SFXN2: variants seen among roughly 807,000 people sequenced by gnomAD.
SFXN2 encodes the protein sideroflexin 2.
A neutral mutation model predicts 41.9 loss-of-function variants in SFXN2; 37 were observed. The ratio of observed to expected loss-of-function variants is 0.88; its 90% confidence interval spans 0.68 to 1.16. SFXN2 has a LOEUF of 1.16. SFXN2 is among the 50% of genes most tolerant of loss of function. The probability of loss-of-function intolerance (pLI) is 0.00; values close to 1 mark genes in which losing one functional copy is unlikely to be tolerated. For missense variants in SFXN2, 386 were observed against 425.2 expected (o/e 0.91, Z 0.81); for synonymous variants, 150 against 156.7 (o/e 0.96, Z 0.32).
chr10:102,732,837 GC>G (rs780135710), intron 8 of SFXN2, 21 bp from the exon 9 acceptor site: 1 of 1,613,952 alleles, frequency 6.2e-7, no homozygotes, highest in African/African-American at 1.3e-5. Context: ...CCTCCCCTCA[GC>G]TTCTCCCTGG....
chr10:102,731,654 G>A, intron 6 of SFXN2, 69 bp from the exon 7 acceptor site: 1 of 1,419,064 alleles, frequency 7.0e-7, no homozygotes, highest in Non-Finnish European at 9.9e-7. Context: ...TTGGTCCCCT[G>A]GCATGTCATG....
chr10:102,729,467 CA>C, intron 5 of SFXN2, 73 bp downstream of exon 5: 1 of 1,536,070 alleles, frequency 6.5e-7, no homozygotes, highest in Non-Finnish European at 8.9e-7. Context: ...GTCCTTCCCC[CA>C]GGGACAGTTC....
At chr10:102,736,045 T>A in intron 11 of SFXN2, 136 bp downstream of exon 11, 1 of 874,592 alleles carries the variant, frequency 1.1e-6, no homozygotes, top group Non-Finnish European at 1.9e-6. Flanking sequence ...TCCATCAGCC[T>A]AAAGGCTGGG....
intron 6 of SFXN2, among the ~76,000 whole-genome samples, chr10:102,731,421 T>C (rs1156922076): frequency 6.6e-6 from 1 of 152,162 alleles, no homozygotes; most frequent in Non-Finnish European, 1.5e-5. Context: ...ATCCCCATTT[T>C]GCAGATAAGC....
chr10:102,727,396 C>G (rs1346694235), intron 3 of SFXN2, among the ~76,000 whole-genome samples: 1 of 152,170 alleles, frequency 6.6e-6, no homozygotes, highest in Non-Finnish European at 1.5e-5. Context: ...AAGAACTTGT[C>G]CAGGTTTAAA....
chr10:102,720,852 A>T (rs2064498547), intron 1 of SFXN2, among the ~76,000 whole-genome samples: 1 of 152,186 alleles, frequency 6.6e-6, no homozygotes. Flanking sequence ...AGGAGCACAC[A>T]CACACCATCT....
intron 1 of SFXN2, among the ~76,000 whole-genome samples, chr10:102,720,003 A>T (rs1450282573): frequency 6.6e-6 from 1 of 152,012 alleles, no homozygotes; most frequent in African/African-American, 2.4e-5. Flanking sequence ...ATTTAAGAAA[A>T]TCCCGGCCGG....
Position 102,732,989 on chromosome 10 carries a change from TC to T in SFXN2, c.771+86del, listed in dbSNP as rs2064725768. 3 of 1,401,354 alleles carry T rather than the reference TC, an allele frequency of 2.1e-6. No homozygotes were observed. The Admixed American group carries it at 5.1e-5, about 24-fold the overall frequency. 86.8% of individuals were successfully genotyped at this position (1,401,354 alleles called of 1,614,324 possible). Reference sequence around the variant, plus strand: ...GTCCCTAGGGATACCTGACCTGCCCTCCCCCACCCATCCTTCCCTTTAGCTA... The same window carrying T: ...GTCCCTAGGGATACCTGACCTGCCCTCCCCACCCATCCTTCCCTTTAGCTA... On this transcript the variant is annotated intron_variant, in intron 9 of 11. Coordinates refer to ENST00000369893, the MANE Select transcript of SFXN2 (RefSeq NM_178858.6).
intron 4 of SFXN2, 21 bp from the exon 5 acceptor site, chr10:102,729,298 A>G: frequency 1.2e-6 from 2 of 1,612,988 alleles, no homozygotes; most frequent in Non-Finnish European, 1.7e-6. Flanking sequence ...CCCACTCCCA[A>G]GCATCTCTCT....
At chr10:102,737,625 C>T (rs756849030) in intron 11 of SFXN2, 38 bp from the exon 12 acceptor site, 1 of 1,379,756 alleles carries the variant, frequency 7.2e-7, no homozygotes. Context: ...ACTGCTTGTT[C>T]CTGGTGGCAT....
Position 102,735,891 on chromosome 10 carries a change from G to A in SFXN2, c.851G>A (p.Gly284Glu), listed in dbSNP as rs1169204666. 2 of 1,614,112 alleles carry A rather than the reference G, an allele frequency of 1.2e-6. No individual in the cohort carries two copies. The highest frequency in any genetic ancestry group is 1.3e-5 in the African/African-American group (1 of 75,016). ...FLIFMVPVAC[G>E]LFPQKCELPV... ...ATCTTCATGGTGCCAGTGGCGTGTG[G>A]GCTTTTCCCACAGAAATGGTATCTG... Residue 284 changes from glycine (G) to glutamate (E), a missense_variant, in exon 11 of 12, where the codon GGG (glycine) becomes GAG (glutamate). Coordinates refer to ENST00000369893, the MANE Select transcript of SFXN2 (RefSeq NM_178858.6).
intron 6 of SFXN2, among the ~76,000 whole-genome samples, chr10:102,730,523 C>T (rs547526331): frequency 2.0e-5 from 3 of 152,346 alleles, no homozygotes; most frequent in African/African-American, 7.2e-5. Context: ...GAAGCACTAC[C>T]AGAATAGTTG....
At chr10:102,729,431 G>A (rs374773168) in intron 5 of SFXN2, 37 bp downstream of exon 5, 29 of 1,607,436 alleles carry the variant, frequency 1.8e-5, no homozygotes, top group South Asian at 5.5e-5. Context: ...GTGGCCACGC[G>A]GGGGCAGCAG....
In SFXN2 at chr10:102,740,562, A is replaced by T. The variant is rs1842771470; in HGVS notation, c.*2800A>T. On this transcript the variant is annotated 3_prime_UTR_variant, in exon 12 of 12. Coordinates refer to ENST00000369893, the MANE Select transcript of SFXN2 (RefSeq NM_178858.6). ...TAGCCCCAAAAGAAACCCCATACCCATTGGCAGTCACTCCACATTCTCCCT... is the reference window on the plus strand; with the variant it reads ...TAGCCCCAAAAGAAACCCCATACCCTTTGGCAGTCACTCCACATTCTCCCT... The T allele has an allele frequency of 6.6e-6, 1 of 152,082 alleles. No individual in the cohort carries two copies. Among genetic ancestry groups the T allele is most frequent in the Admixed American group, 6.6e-5 (1 of 15,262 alleles). The allele number at this position is 152,082 out of a possible 1,614,324, so 9.4% of individuals were successfully genotyped here.
rs1045544789 is a variant in SFXN2, at chr10:102,734,678, C to T, written c.821+1075C>T. Among the ~76,000 whole-genome samples, 2 of 152,168 alleles carry T rather than the reference C, an allele frequency of 1.3e-5. No individual in the cohort carries two copies. Among genetic ancestry groups the T allele is most frequent in the Non-Finnish European group, 2.9e-5 (2 of 68,036 alleles). On this transcript the variant is annotated intron_variant, in intron 10 of 11. Coordinates refer to ENST00000369893, the MANE Select transcript of SFXN2 (RefSeq NM_178858.6). The surrounding 1 kb of genome is among the most constrained non-coding windows in gnomAD (Gnocchi z 4.1). ...TCACAGTAACCCTGCAAAGTAGGCA[C>T]TGCAAAGTGGTCTGCAGTAGCCCTA...
At chr10:102,721,825 C>G (rs2064513348) in intron 1 of SFXN2, among the ~76,000 whole-genome samples, 2 of 152,036 alleles carry the variant, frequency 1.3e-5, no homozygotes, top group South Asian at 4.1e-4. Context: ...GTTTTGGTAT[C>G]TACCTGTCTG....
At position 102,734,648 on chromosome 10, in the gene SFXN2, A is replaced by G. The variant is rs1394716362; in HGVS notation, c.821+1045A>G. ...GGTGCTTTACATACATATCTCATTGAATCCTCACAGTAACCCTGCAAAGTA... is the reference window on the plus strand; with the variant it reads ...GGTGCTTTACATACATATCTCATTGGATCCTCACAGTAACCCTGCAAAGTA... On this transcript the variant is annotated intron_variant, in intron 10 of 11. Transcript: ENST00000369893. This position sits in a 1 kb window ranked among gnomAD's most constrained non-coding sequence, Gnocchi z 4.1. 6.6e-6 allele frequency among the ~76,000 whole-genome samples: 1 copy of G among 152,184 alleles called. No individual in the cohort carries two copies. Among genetic ancestry groups the G allele is most frequent in the Non-Finnish European group, 1.5e-5 (1 of 68,020 alleles).
In SFXN2 at chr10:102,741,102, G is replaced by C. The variant is rs1842780000; in HGVS notation, c.*3340G>C. The C allele has an allele frequency of 6.6e-6, 1 of 152,252 alleles. No individual in the cohort carries two copies. Among genetic ancestry groups the C allele is most frequent in the Non-Finnish European group, 1.5e-5 (1 of 68,062 alleles). 9.4% of individuals were successfully genotyped at this position (152,252 alleles called of 1,614,324 possible). A position where few individuals can be genotyped will look rare whatever the true frequency, so the allele number is the denominator to read the frequency against. On this transcript the variant is annotated 3_prime_UTR_variant, in exon 12 of 12. Coordinates refer to ENST00000369893, the MANE Select transcript of SFXN2 (RefSeq NM_178858.6). Reference sequence around the variant, plus strand: ...TTCTTTGAGTTGGCTGCTGTGGGATGTTGAATAAGAGGCAGTTAAGGTTAC... The same window carrying C: ...TTCTTTGAGTTGGCTGCTGTGGGATCTTGAATAAGAGGCAGTTAAGGTTAC...
intron 1 of SFXN2, among the ~76,000 whole-genome samples, chr10:102,722,789 T>C (rs940157704): frequency 2.0e-5 from 3 of 152,202 alleles, no homozygotes; most frequent in African/African-American, 4.8e-5. Context: ...GCTCAAGCGA[T>C]GCTCCTGCCT....
Sources: gnomAD v4.1 joint callset for allele counts (sites outside exome capture counted in the v4.1 genomes callset) on GRCh38, gnomAD v4.1.1 for gene constraint, Gnocchi (gnomAD v3.1) non-coding constraint, MANE v1.5 for transcripts, NCBI Gene and HGNC (gene_info 2026-07-23, HGNC 2026-07-21) for gene names.